PPP2R2B: variants seen among roughly 807,000 people sequenced by gnomAD.
PPP2R2B encodes serine/threonine-protein phosphatase 2A 55 kDa regulatory subunit B beta isoform.
A neutral mutation model predicts 46.0 loss-of-function variants in PPP2R2B; 5 were observed. The observed-to-expected ratio is 0.11, with a 90% CI of 0.06 to 0.23. PPP2R2B has a LOEUF of 0.23. Among genes scored for constraint, PPP2R2B ranks in the 10% least tolerant of loss-of-function variants. The pLI, the probability that PPP2R2B is intolerant of heterozygous loss-of-function variation, is 1.00. For synonymous variants in PPP2R2B, 215 were observed against 206.7 expected (o/e 1.04, Z -0.34); for missense variants, 367 against 575.0 (o/e 0.64, Z 3.70).
chr5:146,906,251 A>T (rs2151801765), intron 1 of PPP2R2B, among the ~76,000 whole-genome samples: 1 of 152,192 alleles, frequency 6.6e-6, no homozygotes, highest in East Asian at 1.9e-4. Context: ...GAATATATTA[A>T]GTTAAAGAAA....
chr5:147,073,853 T>C (rs948115263), intron 2 of PPP2R2B, among the ~76,000 whole-genome samples: 1 of 152,106 alleles, frequency 6.6e-6, no homozygotes, highest in Middle Eastern at 3.4e-3. Flanking sequence ...TGGGCCAATA[T>C]GGTGAAACCC....
chr5:146,676,243 C>A (rs1271573359), intron 5 of PPP2R2B, among the ~76,000 whole-genome samples: 2 of 152,078 alleles, frequency 1.3e-5, no homozygotes, highest in Admixed American at 6.6e-5. Context: ...GCTATCTGGG[C>A]AAAGTAGGGC....
Position 146,600,347 on chromosome 5 carries a change from A to G in PPP2R2B, c.904T>C (p.Leu302=), listed in dbSNP as rs746745667. ...SGRYIMTRDY[L]TVKVWDLNME... ...TTGAGATCCCAGACTTTGACGGTCA[A>G]GTAGTCCCTGGTCATGATATACCTC... Residue 302 remains leucine (L), a synonymous_variant, in exon 8 of 10, where the codon TTG becomes CTG. Coordinates refer to ENST00000394411, the MANE Select transcript of PPP2R2B (RefSeq NM_181675.4). The G allele has an allele frequency of 1.9e-6, 3 of 1,614,018 alleles. No homozygotes were observed. The African/African-American group carries it at 4.0e-5, about 22-fold the overall frequency.
rs1769867652 is a variant in PPP2R2B at position 146,580,997 on chromosome 5, T to G, written c.*8950A>C. The G allele has an allele frequency of 6.6e-6, 1 of 152,168 alleles. No individual in the cohort carries two copies. Among genetic ancestry groups the G allele is most frequent in the African/African-American group, 2.4e-5 (1 of 41,440 alleles). 9.4% of individuals were successfully genotyped at this position (152,168 alleles called of 1,614,324 possible). A position where few individuals can be genotyped will look rare whatever the true frequency, so the allele number is the denominator to read the frequency against. ...AACTTTCTTGTTCCATGATGGATAC[T>G]TTCTCGGTTTCTATGATATTTGTCT... On this transcript the variant is annotated 3_prime_UTR_variant, in exon 10 of 10. Coordinates refer to ENST00000394411, the MANE Select transcript of PPP2R2B (RefSeq NM_181675.4).
At chr5:146,933,306 T>C (rs2151823478) in intron 1 of PPP2R2B, among the ~76,000 whole-genome samples, 1 of 152,258 alleles carries the variant, frequency 6.6e-6, no homozygotes, top group South Asian at 2.1e-4. Flanking sequence ...AGTTGCTCTT[T>C]GGTTAAGTAG....
chr5:146,970,840 C>T (rs1434338766), intron 1 of PPP2R2B, among the ~76,000 whole-genome samples: 1 of 151,774 alleles, frequency 6.6e-6, no homozygotes, highest in Non-Finnish European at 1.5e-5. Flanking sequence ...CTTTTCTAAT[C>T]ATAAAAGCAA....
rs74664312 is a variant in PPP2R2B, at chr5:146,673,111, T to C, written c.447+18017A>G. Among the ~76,000 whole-genome samples the C allele has an allele frequency of 2.2e-3, 341 of 152,368 alleles. 8 individuals carry two copies. The East Asian group carries it at 0.028, about 13-fold the overall frequency. On this transcript the variant is annotated intron_variant, in intron 5 of 9. Coordinates refer to ENST00000394411, the MANE Select transcript of PPP2R2B (RefSeq NM_181675.4). The stretch of plus-strand genomic sequence containing the variant: ...CAATAAAGCTCATCTGTCTGAGTTA[T>C]GGTTTTTTCCTTCTGATAATCAGCA...
chr5:146,705,817 T>G (rs1288058703), intron 2 of PPP2R2B, among the ~76,000 whole-genome samples: 1 of 152,182 alleles, frequency 6.6e-6, no homozygotes. Context: ...CAAGATGACC[T>G]TGTTGAAAGA....
chr5:146,802,213 T>C (rs1290082543), intron 2 of PPP2R2B, among the ~76,000 whole-genome samples: 1 of 152,182 alleles, frequency 6.6e-6, no homozygotes, highest in African/African-American at 2.4e-5. Context: ...CAGAGTCTTA[T>C]TTCCCAAATT....
chr5:146,988,743 A>G (rs1487945245), intron 1 of PPP2R2B, among the ~76,000 whole-genome samples: 1 of 151,940 alleles, frequency 6.6e-6, no homozygotes, highest in Non-Finnish European at 1.5e-5. Context: ...CAGAATAAGT[A>G]GAAAGAAAGA....
chr5:146,861,054 C>CTTTT (rs1211197915), intron 2 of PPP2R2B, among the ~76,000 whole-genome samples: 6 of 101,716 alleles, frequency 5.9e-5, no homozygotes, highest in East Asian at 3.2e-4. Flanking sequence ...TGAATTTTTT[C>CTTTT]TTTTTTTTTT....
At chr5:146,766,777 G>A (rs1754503991) in intron 2 of PPP2R2B, among the ~76,000 whole-genome samples, 1 of 152,082 alleles carries the variant, frequency 6.6e-6, no homozygotes. Context: ...CAGAAGGTGG[G>A]GCACGGTGGC....
chr5:146,600,890 T>A (rs1771717400), intron 7 of PPP2R2B, among the ~76,000 whole-genome samples: 1 of 152,176 alleles, frequency 6.6e-6, no homozygotes, highest in Admixed American at 6.5e-5. Context: ...ATTGCTATAA[T>A]CTAAATTTAG....
chr5:146,871,496 T>A lies in PPP2R2B; in HGVS notation c.70+6506A>T, dbSNP rs1761614524. Among the ~76,000 whole-genome samples, 3 of 152,204 alleles carry A rather than the reference T, an allele frequency of 2.0e-5. No individual in the cohort carries two copies. The South Asian group carries it at 6.2e-4, about 31-fold the overall frequency. ...TTGATTGCTCAATTCCATAAACATT[T>A]TTTTCTGTTCTTATTATATAACAGA... On this transcript the variant is annotated intron_variant, in intron 2 of 9. Coordinates refer to ENST00000394411, the MANE Select transcript of PPP2R2B (RefSeq NM_181675.4).
intron 1 of PPP2R2B, among the ~76,000 whole-genome samples, chr5:147,030,249 T>TA (rs1202160921): frequency 1.3e-5 from 2 of 152,192 alleles, no homozygotes; most frequent in African/African-American, 4.8e-5. Context: ...ATGTTGCTCT[T>TA]ATAAATGATA....
At chr5:146,822,244 G>A (rs1191463071) in intron 2 of PPP2R2B, among the ~76,000 whole-genome samples, 2 of 152,188 alleles carry the variant, frequency 1.3e-5, no homozygotes, top group African/African-American at 2.4e-5. Flanking sequence ...TTGAAAGAGC[G>A]ATCTTCTGGA....
In PPP2R2B at chr5:146,586,165, G is replaced by T. The variant is rs1192084016; in HGVS notation, c.*3782C>A. 6.6e-6 allele frequency: 1 copy of T among 152,292 alleles called. No homozygotes were observed. Among genetic ancestry groups the T allele is most frequent in the Non-Finnish European group, 1.5e-5 (1 of 68,106 alleles). The allele number at this position is 152,292 out of a possible 1,614,324, so 9.4% of individuals were successfully genotyped here. On this transcript the variant is annotated 3_prime_UTR_variant, in exon 10 of 10. Transcript: ENST00000394411. ...CTCCATTTCACTTCCAAGATCAGAT[G>T]AGATCGGGTGCATTCAGGGTGGTAT... is the stretch of plus-strand genomic sequence containing the variant.
At chr5:146,619,914 A>G (rs1773530343) in intron 7 of PPP2R2B, among the ~76,000 whole-genome samples, 1 of 152,118 alleles carries the variant, frequency 6.6e-6, no homozygotes, top group African/African-American at 2.4e-5. Context: ...TCTTCCTCCT[A>G]TTATTTTTAA....
Position 146,878,695 on chromosome 5 carries a change from A to G in PPP2R2B, c.-229T>C, listed in dbSNP as rs1762050764. The G allele has an allele frequency of 1.6e-6, 2 of 1,282,956 alleles. No individual in the cohort carries two copies. The highest frequency in any genetic ancestry group is 3.2e-5 in the African/African-American group (2 of 62,894). The allele number at this position is 1,282,956 out of a possible 1,614,324, so 79.5% of individuals were successfully genotyped here. On this transcript the variant is annotated 5_prime_UTR_variant, in exon 1 of 10. Transcript: ENST00000394411. This position sits in a 1 kb window ranked among gnomAD's most constrained non-coding sequence, Gnocchi z 4.5. ...AGGGCGCTGCAGCCGGCGCCAGCGC[A>G]CTCACCCTCACACCCACACGCGCGC...
Sources: gnomAD v4.1 joint callset for allele counts (sites outside exome capture counted in the v4.1 genomes callset) on GRCh38, gnomAD v4.1.1 for gene constraint, Gnocchi (gnomAD v3.1) non-coding constraint, MANE v1.5 for transcripts, NCBI Gene and HGNC (gene_info 2026-07-23, HGNC 2026-07-21) for gene names.